MYO18A: variants seen among roughly 807,000 people sequenced by gnomAD.
MYO18A encodes the protein myosin XVIIIA.
Under a neutral mutation model 235.8 loss-of-function variants are expected in MYO18A, and 78 were observed. The ratio of observed to expected loss-of-function variants is 0.33; its 90% confidence interval spans 0.28 to 0.40. The LOEUF (loss-of-function observed/expected upper bound fraction) is 0.40. Among genes scored for constraint, MYO18A ranks in the 10% least tolerant of loss-of-function variants. The pLI, the probability that MYO18A is intolerant of heterozygous loss-of-function variation, is 1.00. For synonymous variants in MYO18A, 977 were observed against 1,077.8 expected (o/e 0.91, Z 1.83); for missense variants, 2,215 against 2,699.3 (o/e 0.82, Z 3.98).
intron 41 of MYO18A, chr17:29,077,856 C>T (rs1480421237): frequency 1.3e-5 from 2 of 152,298 alleles, no homozygotes; most frequent in East Asian, 3.8e-4. Context: ...GGCCCATGTC[C>T]ATCTGGGGGT....
chr17:29,106,993 C>T lies in MYO18A; in HGVS notation c.3441+87G>A. The T allele has an allele frequency of 7.6e-7, 1 of 1,309,724 alleles. No individual in the cohort carries two copies. Among genetic ancestry groups the T allele is most frequent in the Non-Finnish European group, 1.1e-6 (1 of 909,284 alleles). 81.1% of individuals were successfully genotyped at this position (1,309,724 alleles called of 1,614,324 possible). The stretch of plus-strand genomic sequence containing the variant: ...TGAGCAGGGCCAGATGAGCTGTCTC[C>T]AGGGAAGGGAAGGCAGATGAGTCTG... On this transcript the variant is annotated intron_variant, in intron 20 of 41. Transcript: ENST00000527372. This position sits in a 1 kb window ranked among gnomAD's most constrained non-coding sequence, Gnocchi z 4.6.
At chr17:29,091,038 C>T in intron 34 of MYO18A, 112 bp from the exon 35 acceptor site, 1 of 832,014 alleles carries the variant, frequency 1.2e-6, no homozygotes, top group Non-Finnish European at 1.9e-6. Context: ...GCTGAGCCTG[C>T]CTGCTGGGGT....
chr17:29,102,563 C>T (rs927435702), intron 21 of MYO18A, among the ~76,000 whole-genome samples: 1 of 152,108 alleles, frequency 6.6e-6, no homozygotes, highest in Non-Finnish European at 1.5e-5. Flanking sequence ...GGATGGGACA[C>T]AAAGACACAG....
chr17:29,105,171 C>CAAAA (rs58344909), intron 20 of MYO18A, among the ~76,000 whole-genome samples: 61 of 35,788 alleles, frequency 1.7e-3, no homozygotes, highest in African/African-American at 4.2e-3. Flanking sequence ...GACTCTGTCT[C>CAAAA]AAAAAAAAAA....
In MYO18A at chr17:29,106,151, G is replaced by C. The variant is rs1041665081; in HGVS notation, c.3441+929C>G. 1.2e-4 allele frequency among the ~76,000 whole-genome samples: 19 copies of C among 152,178 alleles called. No homozygotes were observed. The highest frequency in any genetic ancestry group is 4.1e-4 in the South Asian group (2 of 4,832). On this transcript the variant is annotated intron_variant, in intron 20 of 41. Transcript: ENST00000527372. This position sits in a 1 kb window ranked among gnomAD's most constrained non-coding sequence, Gnocchi z 4.6. ...CAGAGAAGGCCATGCTGGGATTTAT[G>C]ATTTTGGAGCTGGGGCATTTCCAGA...
intron 2 of MYO18A, among the ~76,000 whole-genome samples, chr17:29,122,787 T>C (rs1449062751): frequency 2.0e-5 from 3 of 152,204 alleles, no homozygotes; most frequent in South Asian, 2.1e-4. Flanking sequence ...CAGTACAGAA[T>C]GATAGGTGGG....
At position 29,125,563 on chromosome 17, in the gene MYO18A, A is replaced by C. The variant is rs909439635; in HGVS notation, c.1000-3310T>G. 6.6e-6 allele frequency among the ~76,000 whole-genome samples: 1 copy of C among 152,206 alleles called. No individual in the cohort carries two copies. The highest frequency in any genetic ancestry group is 2.4e-5 in the African/African-American group (1 of 41,444). ...TGGGTCTAGAGAGCCAGGTCACCAAAAATAGCGACAGCAACCTTCCTTACC... is the reference window on the plus strand; with the variant it reads ...TGGGTCTAGAGAGCCAGGTCACCAACAATAGCGACAGCAACCTTCCTTACC... On this transcript the variant is annotated intron_variant, in intron 2 of 41. Coordinates refer to ENST00000527372, the MANE Select transcript of MYO18A (RefSeq NM_078471.4). The surrounding 1 kb of genome is among the most constrained non-coding windows in gnomAD (Gnocchi z 5.1).
Position 29,097,834 on chromosome 17 carries a change from G to A in MYO18A, c.4056C>T (p.Leu1352=). ...VMEMEVMEAR[L]IRAAEINGEV... The stretch of plus-strand genomic sequence containing the variant: ...CCCCGTTGATCTCCGCTGCCCGGAT[G>A]AGACGGGCCTCCATCACCTCCATTT... The change falls in exon 26 of 42, where the codon CTC becomes CTT. Residue 1352 remains leucine (L), a synonymous_variant. Transcript: ENST00000527372. 1.9e-6 allele frequency: 3 copies of A among 1,613,914 alleles called. No homozygotes were observed. The highest frequency in any genetic ancestry group is 1.1e-5 in the South Asian group (1 of 91,068).
chr17:29,120,486 G>A lies in MYO18A; in HGVS notation c.1728+130C>T. The A allele has an allele frequency of 8.0e-7, 1 of 1,257,376 alleles. No homozygotes were observed. Among genetic ancestry groups the A allele is most frequent in the Non-Finnish European group, 1.1e-6 (1 of 914,994 alleles). 77.9% of individuals were successfully genotyped at this position (1,257,376 alleles called of 1,614,324 possible). ...CCTCTGGATAGTGCAGGCCAACCCTGCCCATGCCTGGGTCAATTTTGTTAG... is the reference window on the plus strand; with the variant it reads ...CCTCTGGATAGTGCAGGCCAACCCTACCCATGCCTGGGTCAATTTTGTTAG... On this transcript the variant is annotated intron_variant, in intron 7 of 41. Coordinates refer to ENST00000527372, the MANE Select transcript of MYO18A (RefSeq NM_078471.4). The surrounding 1 kb of genome is among the most constrained non-coding windows in gnomAD (Gnocchi z 4.2).
chr17:29,156,313 C>T (rs960267176), intron 2 of MYO18A, among the ~76,000 whole-genome samples: 1 of 152,208 alleles, frequency 6.6e-6, no homozygotes, highest in Non-Finnish European at 1.5e-5. Flanking sequence ...CCCATGTAAT[C>T]CTGAATCTTC....
Position 29,121,840 on chromosome 17 carries a change from T to C in MYO18A, c.1194+11A>G. ...GCCTCCTCCCCCACACCCAGCCCCC[T>C]GCCCACCTACCTTCTCAACGTCATC... is the stretch of plus-strand genomic sequence containing the variant. On this transcript the variant is annotated intron_variant, in intron 4 of 41. Transcript: ENST00000527372. The surrounding 1 kb of genome is among the most constrained non-coding windows in gnomAD (Gnocchi z 4.2). The C allele has an allele frequency of 6.4e-7, 1 of 1,565,814 alleles. No individual in the cohort carries two copies. The highest frequency in any genetic ancestry group is 8.8e-7 in the Non-Finnish European group (1 of 1,137,260).
In MYO18A at chr17:29,097,891, G is replaced by A. The variant is rs370338140; in HGVS notation, c.3999C>T (p.Tyr1333=). Residue 1333 remains tyrosine (Y), a synonymous_variant, in exon 26 of 42, where the codon TAC becomes TAT. Coordinates refer to ENST00000527372, the MANE Select transcript of MYO18A (RefSeq NM_078471.4). The stretch of plus-strand genomic sequence containing the variant: ...CCTCCATCTGCTTCTTCAGTGCATC[G>A]TACTGGGTCTGCAGAAGACAGGGTT... The part of the protein sequence containing the change: ...EKEMKELQTQ[Y]DALKKQMEVM... 6 of 1,612,928 alleles carry A rather than the reference G, an allele frequency of 3.7e-6. No homozygotes were observed. Among genetic ancestry groups the A allele is most frequent in the South Asian group, 2.2e-5 (2 of 90,930 alleles).
In MYO18A at chr17:29,114,934, G is replaced by A. The variant is rs374009186; in HGVS notation, c.2484C>T (p.Phe828=). 16 of 1,613,834 alleles carry A rather than the reference G, an allele frequency of 9.9e-6. No individual in the cohort carries two copies. The highest frequency in any genetic ancestry group is 2.2e-5 in the East Asian group (1 of 44,896). The change falls in exon 14 of 42, where the codon TTC becomes TTT. Residue 828 remains phenylalanine (F), a synonymous_variant. Transcript: ENST00000527372. ...RLQRLFHERT[F]VQELERYKEE... ...CCTTGTATCTTTCCAACTCCTGCACGAAGGTGCGCTCGTGGAAGAGCCTCT... is the reference window on the plus strand; with the variant it reads ...CCTTGTATCTTTCCAACTCCTGCACAAAGGTGCGCTCGTGGAAGAGCCTCT...
intron 40 of MYO18A, among the ~76,000 whole-genome samples, chr17:29,084,888 C>T (rs980384071): frequency 2.6e-5 from 4 of 152,188 alleles, no homozygotes; most frequent in Non-Finnish European, 5.9e-5. Context: ...TCTGCATCCG[C>T]TGTCCAGCTC....
intron 2 of MYO18A, among the ~76,000 whole-genome samples, chr17:29,129,340 T>C (rs114443158): frequency 6.2e-4 from 95 of 152,294 alleles, no homozygotes; most frequent in African/African-American, 2.2e-3. Context: ...GACCCCCTAG[T>C]TCCCAGAGTG....
chr17:29,141,094 C>G (rs1001079690), intron 2 of MYO18A, among the ~76,000 whole-genome samples: 4 of 152,246 alleles, frequency 2.6e-5, no homozygotes, highest in Non-Finnish European at 5.9e-5. Flanking sequence ...ATTACACTCT[C>G]TTTGTTTACA....
At position 29,115,194 on chromosome 17, in the gene MYO18A, G is replaced by A. The variant is rs2067027999; in HGVS notation, c.2319-95C>T. The A allele has an allele frequency of 3.9e-5, 57 of 1,452,462 alleles. No homozygotes were observed. The East Asian group carries it at 1.3e-3, about 34-fold the overall frequency. 90.0% of individuals were successfully genotyped at this position (1,452,462 alleles called of 1,614,324 possible). On this transcript the variant is annotated intron_variant, in intron 13 of 41. Coordinates refer to ENST00000527372, the MANE Select transcript of MYO18A (RefSeq NM_078471.4). ...AAGCCAGACCTCTATCCCTGCCCAG[G>A]ACCCTGGTGGGGAGGGCATGCTGGC...
Position 29,118,173 on chromosome 17 carries a change from T to A in MYO18A, c.1910A>T (p.Lys637Met), listed in dbSNP as rs1289802135. The A allele has an allele frequency of 4.4e-6, 7 of 1,599,894 alleles. No homozygotes were observed. In the East Asian group the frequency reaches 1.1e-4, roughly 26 times the overall value. ...VPLAKPEEKQ[K>M]AAQQFSKLQA... ...CAGCTTACTAAACTGCTGAGCTGCC[T>A]TCTGCTTTTCCTCAGGCTGTGGAGA... The change falls in exon 10 of 42, where the codon AAG becomes ATG. Residue 637 changes from lysine to methionine, a missense_variant. Physicochemically the swap from Lys to Met is moderately conservative, Grantham distance 95. Transcript: ENST00000527372. This position sits in a 1 kb window ranked among gnomAD's most constrained non-coding sequence, Gnocchi z 4.2.
chr17:29,115,880 T>G (rs527929889), intron 11 of MYO18A, 40 bp from the exon 12 acceptor site: 7 of 1,548,302 alleles, frequency 4.5e-6, no homozygotes, highest in Middle Eastern at 1.7e-4. Context: ...CTGGGTCTTT[T>G]TCCTTAGGCC....
Sources: gnomAD v4.1 joint callset for allele counts (sites outside exome capture counted in the v4.1 genomes callset) on GRCh38, gnomAD v4.1.1 for gene constraint, Gnocchi (gnomAD v3.1) non-coding constraint, MANE v1.5 for transcripts, NCBI Gene and HGNC (gene_info 2026-07-23, HGNC 2026-07-21) for gene names.